The following AXL variants were observed in gnomAD, a reference collection of about 807,000 sequenced individuals.
AXL encodes the protein tyrosine-protein kinase receptor UFO.
In AXL, 52 loss-of-function variants were observed where a neutral mutation model predicts 104.5. The ratio of observed to expected loss-of-function variants is 0.50; its 90% CI spans 0.40 to 0.63. The LOEUF is 0.63. AXL is among the 20% of genes least tolerant of loss of function. AXL has a pLI of 0.00. For synonymous variants in AXL, 455 were observed against 473.7 expected (o/e 0.96, Z 0.51); for missense variants, 1,024 against 1,188.5 (o/e 0.86, Z 2.04).
chr19:41,251,042 G>A (rs1027944316), intron 14 of AXL, among the ~76,000 whole-genome samples: 3 of 152,212 alleles, frequency 2.0e-5, no homozygotes, highest in Non-Finnish European at 4.4e-5. Flanking sequence ...GTGGACCCTG[G>A]AGCCAGACTG....
At position 41,238,262 on chromosome 19, in the gene AXL, T is replaced by C. The variant is rs1042799471; in HGVS notation, c.994+108T>C. On this transcript the variant is annotated intron_variant, in intron 7 of 19. Transcript: ENST00000301178. ...ACTCCTTTACCCCTCATGGCCTCAA[T>C]CTCCTTCCCATCCAATCTCTGACCC... 2.8e-6 allele frequency: 4 copies of C among 1,448,476 alleles called. No homozygotes were observed. In the African/African-American group the frequency reaches 4.2e-5, roughly 15 times the overall value. The allele number at this position is 1,448,476 out of a possible 1,614,324, so 89.7% of individuals were successfully genotyped here.
At chr19:41,243,501 T>C in intron 11 of AXL, 115 bp from the exon 12 acceptor site, 1 of 831,168 alleles carries the variant, frequency 1.2e-6, no homozygotes, top group South Asian at 1.4e-5. Context: ...TCAGCAAATG[T>C]TAGCACAGAG....
intron 15 of AXL, 36 bp from the exon 16 acceptor site, chr19:41,252,810 C>T: frequency 1.2e-6 from 2 of 1,611,838 alleles, no homozygotes; most frequent in Non-Finnish European, 1.7e-6. Context: ...TCCCCTTCTG[C>T]CCAGCAGGAG....
Position 41,238,482 on chromosome 19 carries a change from C to T in AXL, c.1007C>T (p.Pro336Leu). Residue 336 changes from proline (P) to leucine (L), a missense_variant, in exon 8 of 20, where the codon CCC (proline) becomes CTC (leucine). Physicochemically the swap from Pro to Leu is moderately conservative, Grantham distance 98 (BLOSUM62 -3). Around this residue, in one of 5 missense-constraint regions of AXL, gnomAD observed 332 missense variants for 343.9 expected, o/e 0.97. Transcript: ENST00000301178. Reference sequence around the variant, plus strand: ...CCCTGTCCTCCAGTGCCCCTGGGCCCCCCTGAGAACATTAGTGCTACGCGG... The same window carrying T: ...CCCTGTCCTCCAGTGCCCCTGGGCCTCCCTGAGAACATTAGTGCTACGCGG... ...VETPEGVPLGPPENISATRNG... is the reference protein window; with the variant it reads ...VETPEGVPLGLPENISATRNG... 1.2e-6 allele frequency: 2 copies of T among 1,612,542 alleles called. No individual in the cohort carries two copies. Among genetic ancestry groups the T allele is most frequent in the East Asian group, 2.2e-5 (1 of 44,802 alleles).
At position 41,253,715 on chromosome 19, in the gene AXL, G is replaced by T. The variant is rs1307968316; in HGVS notation, c.2036+7G>T. On this transcript the variant is annotated splice_region_variant and intron_variant, in intron 17 of 19. Coordinates refer to ENST00000301178, the MANE Select transcript of AXL (RefSeq NM_021913.5). ...TGGCGGCCAGGAACTGCATGTGAGT[G>T]CCTTTCAGGGACCCCCCCCCCCCAA... 1.3e-6 allele frequency: 2 copies of T among 1,572,138 alleles called. No individual in the cohort carries two copies.
intron 19 of AXL, among the ~76,000 whole-genome samples, chr19:41,258,359 G>A (rs1204553821): frequency 6.6e-6 from 1 of 151,128 alleles, no homozygotes; most frequent in African/African-American, 2.4e-5. Context: ...GCCATGTGAT[G>A]TAGATAGGTA....
chr19:41,239,373 T>C, intron 9 of AXL, 59 bp downstream of exon 9: 1 of 1,532,132 alleles, frequency 6.5e-7, no homozygotes. Flanking sequence ...CAGCCCTGAC[T>C]TACTCCTTGT....
At chr19:41,221,604 T>C (rs1186624282) in intron 3 of AXL, 1 of 514,010 alleles carries the variant, frequency 1.9e-6, no homozygotes, top group African/African-American at 2.0e-5. Context: ...GTCTCTTTTT[T>C]CTCATCCATA....
In AXL at chr19:41,222,043, C is replaced by T. The variant is rs2033800690; in HGVS notation, c.573C>T (p.Ser191=). Residue 191 remains serine, a synonymous_variant, in exon 4 of 20, where the codon AGC becomes AGT. Transcript: ENST00000301178. The stretch of plus-strand genomic sequence containing the variant: ...CTCCAGGTCACGGCCCCCAGCGCAG[C>T]CTGCATGTTCCAGGTGAGTCCGGGG... ...ATAPGHGPQR[S]LHVPGLNKTS... is the part of the protein sequence containing the mutation. 6.3e-7 allele frequency: 1 copy of T among 1,576,466 alleles called. No homozygotes were observed. The highest frequency in any genetic ancestry group is 1.2e-5 in the South Asian group (1 of 85,166).
chr19:41,239,443 C>G, intron 9 of AXL, 129 bp downstream of exon 9: 1 of 1,345,828 alleles, frequency 7.4e-7, no homozygotes, highest in African/African-American at 1.4e-5. Context: ...CTGAGAGCTG[C>G]CCTCACTCCC....
At chr19:41,256,652 C>T in intron 18 of AXL, 41 bp downstream of exon 18, 5 of 1,604,522 alleles carry the variant, frequency 3.1e-6, no homozygotes, top group Non-Finnish European at 4.3e-6. Context: ...CATGGGAGGG[C>T]ATGGCCTGAC....
At chr19:41,230,321 A>ATGTG (rs368082123) in intron 4 of AXL, among the ~76,000 whole-genome samples, 15 of 136,660 alleles carry the variant, frequency 1.1e-4, no homozygotes, top group East Asian at 4.5e-4. Flanking sequence ...GGGTGTAAGA[A>ATGTG]TGTGTGTGTG....
chr19:41,249,299 C>T (rs2034322383), intron 14 of AXL, among the ~76,000 whole-genome samples: 2 of 151,686 alleles, frequency 1.3e-5, no homozygotes, highest in Admixed American at 6.6e-5. Flanking sequence ...ATAATAGTAA[C>T]AAAAAATTAG....
chr19:41,243,240 G>A (rs951305698), intron 11 of AXL, among the ~76,000 whole-genome samples: 3 of 152,192 alleles, frequency 2.0e-5, no homozygotes, highest in Non-Finnish European at 2.9e-5. Context: ...CCAACATGGC[G>A]AAACCCTGTC....
In AXL at chr19:41,238,607, G is replaced by A; in HGVS notation, c.1132G>A (p.Glu378Lys). The A allele has an allele frequency of 1.2e-6, 2 of 1,606,140 alleles. No homozygotes were observed. Among genetic ancestry groups the A allele is most frequent in the Middle Eastern group, 1.7e-4 (1 of 6,028 alleles). ...GGCGTATCAAGGCCAGGACACCCCAGAGGTGGGTGCTGCTGGTGGGATTGG... is the reference window on the plus strand; with the variant it reads ...GGCGTATCAAGGCCAGGACACCCCAAAGGTGGGTGCTGCTGGTGGGATTGG... ...RLAYQGQDTP[E>K]VLMDIGLRQE... The change falls in exon 8 of 20, where the codon GAG (glutamate) becomes AAG (lysine). Residue 378 changes from glutamate (E) to lysine (K), a missense_variant and splice_region_variant. Physicochemically the swap from Glu to Lys is moderately conservative, Grantham distance 56. Coordinates refer to ENST00000301178, the MANE Select transcript of AXL (RefSeq NM_021913.5).
intron 10 of AXL, 125 bp from the exon 11 acceptor site, chr19:41,242,758 C>T (rs1349330185): frequency 1.0e-5 from 13 of 1,247,202 alleles, no homozygotes; most frequent in Non-Finnish European, 1.4e-5. Context: ...ATCCATCACA[C>T]ACCTCATCAA....
intron 14 of AXL, 78 bp downstream of exon 14, chr19:41,248,898 C>T (rs1038052081): frequency 7.0e-7 from 1 of 1,433,684 alleles, no homozygotes; most frequent in Non-Finnish European, 9.4e-7. Context: ...GCAAGTTAGC[C>T]ATAGCTTAGA....
At position 41,219,248 on chromosome 19, in the gene AXL, G is replaced by A. The variant is rs1269818591; in HGVS notation, c.-145G>A. 1.2e-5 allele frequency: 9 copies of A among 729,496 alleles called. No homozygotes were observed. Among genetic ancestry groups the A allele is most frequent in the East Asian group, 8.2e-5 (3 of 36,722 alleles). The allele number at this position is 729,496 out of a possible 1,614,324, so 45.2% of individuals were successfully genotyped here. A position where few individuals can be genotyped will look rare whatever the true frequency, so the allele number is the denominator to read the frequency against. ...GAGAAGGCGGCTGCTGGGCAGAGCC[G>A]GTGGCAAGGGCCTCCCCTGCCGCTG... is the stretch of plus-strand genomic sequence containing the variant. On this transcript the variant is annotated 5_prime_UTR_variant, in exon 1 of 20. Coordinates refer to ENST00000301178, the MANE Select transcript of AXL (RefSeq NM_021913.5).
At chr19:41,234,584 G>A (rs2034047632) in intron 6 of AXL, among the ~76,000 whole-genome samples, 2 of 152,192 alleles carry the variant, frequency 1.3e-5, no homozygotes, top group African/African-American at 4.8e-5. Context: ...AACGTTAGCT[G>A]TTGATAATTA....
Sources: gnomAD v4.1 joint callset for allele counts (sites outside exome capture counted in the v4.1 genomes callset) on GRCh38, gnomAD v4.1.1 for gene constraint, gnomAD v4.1.1 regional missense constraint, MANE v1.5 for transcripts, NCBI Gene and HGNC (gene_info 2026-07-23, HGNC 2026-07-21) for gene names.